Variants in RNF216 observed in about 807,000 individuals in gnomAD.
RNF216 encodes E3 ubiquitin-protein ligase RNF216.
RNF216 carries 72 observed loss-of-function variants against 110.8 expected under a neutral mutation model. The ratio of observed to expected loss-of-function variants is 0.65; its 90% CI spans 0.54 to 0.79. The LOEUF (loss-of-function observed/expected upper bound fraction) is 0.79. RNF216 is among the 30% of genes least tolerant of loss of function. The pLI, the probability that RNF216 is intolerant of heterozygous loss-of-function variation, is 0.00. For synonymous variants in RNF216, 495 were observed against 407.5 expected, an observed-to-expected ratio of 1.21 and a Z score of -2.59; for missense variants, 1,342 against 1,141.2, an observed-to-expected ratio of 1.18 and a Z score of -2.54.
chr7:5,776,685 C>A (rs1265484277), intron 1 of RNF216, among the ~76,000 whole-genome samples: 2 of 149,418 alleles, frequency 1.3e-5, no homozygotes, highest in Non-Finnish European at 3.0e-5. Context: ...AAGTGAGAGA[C>A]GTGTCAGATC....
intron 6 of RNF216, among the ~76,000 whole-genome samples, chr7:5,730,510 T>A (rs1361125951): frequency 1.3e-5 from 2 of 152,136 alleles, no homozygotes; most frequent in Non-Finnish European, 2.9e-5. Flanking sequence ...AAGATAGAAG[T>A]TAAAGACAGA....
chr7:5,661,309 T>A (rs550102451), intron 13 of RNF216, among the ~76,000 whole-genome samples: 4 of 152,086 alleles, frequency 2.6e-5, no homozygotes, highest in Non-Finnish European at 5.9e-5. Context: ...GCATAGCTCA[T>A]GGCGGTCTCC....
At chr7:5,633,928 C>T (rs1787237994) in intron 15 of RNF216, among the ~76,000 whole-genome samples, 1 of 152,210 alleles carries the variant, frequency 6.6e-6, no homozygotes, top group Non-Finnish European at 1.5e-5. Context: ...ATATGCCCCA[C>T]AGTTCTGTCC....
At chr7:5,758,651 A>T (rs1252951481) in intron 2 of RNF216, among the ~76,000 whole-genome samples, 2 of 152,044 alleles carry the variant, frequency 1.3e-5, no homozygotes, top group Non-Finnish European at 1.5e-5. Context: ...TGGGTTTTGG[A>T]CTTGTGTGGG....
chr7:5,761,388 A>C, intron 1 of RNF216, among the ~76,000 whole-genome samples: 1 of 152,258 alleles, frequency 6.6e-6, no homozygotes, highest in African/African-American at 2.4e-5. Flanking sequence ...AAATATGCTA[A>C]CAAAGAAATG....
intron 7 of RNF216, among the ~76,000 whole-genome samples, chr7:5,728,620 T>C (rs758194748): frequency 6.6e-6 from 1 of 151,918 alleles, no homozygotes; most frequent in Non-Finnish European, 1.5e-5. Context: ...TGGAAGGGGC[T>C]TGGCCTAGAC....
At chr7:5,671,275 T>A (rs1401037941) in intron 13 of RNF216, among the ~76,000 whole-genome samples, 1 of 152,146 alleles carries the variant, frequency 6.6e-6, no homozygotes, top group Non-Finnish European at 1.5e-5. Flanking sequence ...CTAAGCCCAG[T>A]GGTAACTGTT....
chr7:5,715,748 T>G (rs1471151911), intron 10 of RNF216, among the ~76,000 whole-genome samples: 4 of 149,756 alleles, frequency 2.7e-5, no homozygotes, highest in African/African-American at 9.9e-5. Context: ...TTTTTTTTTT[T>G]TTTTTTTTTT....
intron 13 of RNF216, among the ~76,000 whole-genome samples, chr7:5,659,641 T>C (rs955458937): frequency 5.9e-5 from 9 of 152,218 alleles, no homozygotes; most frequent in Admixed American, 5.2e-4. Flanking sequence ...GCTGGGGTTG[T>C]AGGACCTTGC....
chr7:5,715,736 C>CTTTTTTT (rs58929486), intron 10 of RNF216, among the ~76,000 whole-genome samples: 2 of 113,830 alleles, frequency 1.8e-5, no homozygotes, highest in African/African-American at 3.3e-5. Flanking sequence ...CCAACTCATT[C>CTTTTTTT]TTTTTTTTTT....
chr7:5,647,801 C>T (rs1398232193), intron 14 of RNF216, among the ~76,000 whole-genome samples: 1 of 152,054 alleles, frequency 6.6e-6, no homozygotes, highest in Non-Finnish European at 1.5e-5. Context: ...AAATTTATCC[C>T]CTCTTCTCCA....
chr7:5,636,854 A>G (rs1787426240), intron 15 of RNF216, among the ~76,000 whole-genome samples: 1 of 152,242 alleles, frequency 6.6e-6, no homozygotes, highest in African/African-American at 2.4e-5. Flanking sequence ...ACAACAAGGC[A>G]GTGCATGCTA....
intron 13 of RNF216, among the ~76,000 whole-genome samples, chr7:5,703,475 G>A (rs1379537508): frequency 3.9e-5 from 6 of 152,236 alleles, no homozygotes; most frequent in African/African-American, 1.4e-4. Flanking sequence ...TACTGTAGGA[G>A]GCTGCAGATG....
intron 13 of RNF216, among the ~76,000 whole-genome samples, chr7:5,693,115 C>A (rs781115519): frequency 4.6e-5 from 7 of 152,322 alleles, no homozygotes; most frequent in Non-Finnish European, 1.0e-4. Flanking sequence ...ATGGTATATG[C>A]TACGGGTTGG....
At chr7:5,717,058 T>C (rs1235680540) in intron 9 of RNF216, among the ~76,000 whole-genome samples, 2 of 151,976 alleles carry the variant, frequency 1.3e-5, no homozygotes, top group Non-Finnish European at 2.9e-5. Context: ...ACTGAACAAA[T>C]AAAAACTAAG....
intron 10 of RNF216, among the ~76,000 whole-genome samples, chr7:5,716,099 C>A (rs1660945661): frequency 6.6e-6 from 1 of 152,086 alleles, no homozygotes; most frequent in Non-Finnish European, 1.5e-5. Flanking sequence ...GCTATGTTGA[C>A]CAGGTTAGTC....
chr7:5,656,266 C>CACAA (rs763331679), intron 13 of RNF216, among the ~76,000 whole-genome samples: 4 of 152,162 alleles, frequency 2.6e-5, no homozygotes, highest in African/African-American at 4.8e-5. Flanking sequence ...AAGATTCAGT[C>CACAA]ACAAACAAAC....
intron 12 of RNF216, 97 bp from the exon 13 acceptor site, chr7:5,711,936 G>T: frequency 9.6e-7 from 1 of 1,044,638 alleles, no homozygotes; most frequent in Non-Finnish European, 1.5e-6. Flanking sequence ...GGAGTTTTGA[G>T]CTGGACATTC....
intron 1 of RNF216, chr7:5,780,133 G>T (rs1387945049): frequency 2.0e-5 from 3 of 152,212 alleles, no homozygotes; most frequent in Non-Finnish European, 2.9e-5. Context: ...CCTTCCAGGA[G>T]TAACAGCTTG....
Sources: gnomAD v4.1 joint callset for allele counts (sites outside exome capture counted in the v4.1 genomes callset) on GRCh38, gnomAD v4.1.1 for gene constraint, MANE v1.5 for transcripts, NCBI Gene and HGNC (gene_info 2026-07-23, HGNC 2026-07-21) for gene names.